GPHN: variants seen among roughly 807,000 people sequenced by gnomAD.
The protein encoded by GPHN is gephyrin.
GPHN carries 17 observed loss-of-function variants against 95.5 expected under a neutral mutation model. That is an observed-to-expected ratio of 0.18 (90% CI 0.12 to 0.27). The LOEUF is 0.27. GPHN is among the 10% of genes least tolerant of loss of function. The pLI, the probability that GPHN is intolerant of heterozygous loss-of-function variation, is 1.00. For missense variants in GPHN, 660 were observed against 978.1 expected, an observed-to-expected ratio of 0.67 and a Z score of 4.34; for synonymous variants, 320 against 322.5, an observed-to-expected ratio of 0.99 and a Z score of 0.08.
the GPHN span, among the ~76,000 whole-genome samples, chr14:67,289,934 C>CT: frequency 1.3e-5 from 2 of 151,934 alleles, no homozygotes; most frequent in Admixed American, 6.6e-5. Context: ...CCACGCCCGG[C>CT]TAATTTTTTA....
chr14:66,722,068 T>C (rs1324391917), intron 2 of GPHN, among the ~76,000 whole-genome samples: 2 of 151,686 alleles, frequency 1.3e-5, no homozygotes, highest in African/African-American at 4.8e-5. Flanking sequence ...ACAATACTTA[T>C]ATATAAGTAT....
the GPHN span, among the ~76,000 whole-genome samples, chr14:67,251,387 G>C: frequency 1.3e-5 from 2 of 152,236 alleles, no homozygotes; most frequent in African/African-American, 4.8e-5. Flanking sequence ...ACGAAAATTA[G>C]CTGGACTTGG....
rs558359480 is a variant in GPHN at position 66,915,300 on chromosome 14, C to A, written c.390-703C>A. Among the ~76,000 whole-genome samples, 365 of 152,232 alleles carry A rather than the reference C, an allele frequency of 2.4e-3. 4 individuals are homozygous for A. Among genetic ancestry groups the A allele is most frequent in the African/African-American group, 8.3e-3 (344 of 41,552 alleles). On this transcript the variant is annotated intron_variant, in intron 5 of 22. Transcript: ENST00000478722. ...TGAAAATGAGATAATGTTACCAGAT[C>A]AGAGTAACACAACCAGTCAATGACA...
intron 17 of GPHN, among the ~76,000 whole-genome samples, chr14:67,133,523 A>G (rs1459377605): frequency 6.6e-6 from 1 of 152,196 alleles, no homozygotes; most frequent in African/African-American, 2.4e-5. Flanking sequence ...TTTATGCCAG[A>G]ATCAGGATTA....
chr14:67,318,482 A>G, the GPHN span, among the ~76,000 whole-genome samples: 1 of 152,220 alleles, frequency 6.6e-6, no homozygotes, highest in African/African-American at 2.4e-5. Context: ...GAGCTACTGT[A>G]CTGTAGAAAA....
the GPHN span, among the ~76,000 whole-genome samples, chr14:67,503,216 G>T: frequency 6.6e-6 from 1 of 152,224 alleles, no homozygotes; most frequent in Non-Finnish European, 1.5e-5. Flanking sequence ...CCTAACAGAA[G>T]TGGTTTTGGT....
At chr14:67,619,917 C>T in the GPHN span, 43 of 1,161,998 alleles carry the variant, frequency 3.7e-5, no homozygotes, top group African/African-American at 6.8e-4. Flanking sequence ...GGCGGTGGCG[C>T]TCACTCCCGG....
intron 1 of GPHN, among the ~76,000 whole-genome samples, chr14:66,575,368 T>TAAA (rs2060861791): frequency 6.6e-6 from 1 of 152,238 alleles, no homozygotes. Flanking sequence ...AAAACATTTA[T>TAAA]TTTTGTCTTT....
chr14:67,045,212 G>A (rs1026314117), intron 10 of GPHN, among the ~76,000 whole-genome samples: 7 of 152,160 alleles, frequency 4.6e-5, no homozygotes, highest in East Asian at 1.9e-4. Flanking sequence ...AGCCCTGTCC[G>A]TTCTGTCTCA....
intron 1 of GPHN, among the ~76,000 whole-genome samples, chr14:66,582,122 C>T (rs997583350): frequency 6.6e-6 from 1 of 151,910 alleles, no homozygotes; most frequent in Non-Finnish European, 1.5e-5. Context: ...CAGGATAGAT[C>T]GTAAGTCAGA....
intron 8 of GPHN, among the ~76,000 whole-genome samples, chr14:66,931,198 A>G (rs1275276723): frequency 1.3e-5 from 2 of 152,174 alleles, no homozygotes; most frequent in Admixed American, 6.5e-5. Context: ...TAAGGTTTCC[A>G]CTGAGAAATC....
the GPHN span, among the ~76,000 whole-genome samples, chr14:67,502,538 C>T: frequency 3.6e-4 from 55 of 150,686 alleles, no homozygotes; most frequent in African/African-American, 1.1e-3. Flanking sequence ...CTGCAACCTC[C>T]GCCTCCGAGA....
the GPHN span, among the ~76,000 whole-genome samples, chr14:67,549,357 G>A: frequency 3.3e-5 from 5 of 151,050 alleles, no homozygotes; most frequent in African/African-American, 4.9e-5. Flanking sequence ...TGCAACCTCC[G>A]CCTCCCAGGT....
intron 1 of GPHN, among the ~76,000 whole-genome samples, chr14:66,605,142 A>T (rs1158996315): frequency 1.3e-5 from 2 of 152,130 alleles, no homozygotes; most frequent in Non-Finnish European, 2.9e-5. Flanking sequence ...TGCGATCGTG[A>T]ATAGTGATGC....
chr14:67,700,210 G>A, the GPHN span, among the ~76,000 whole-genome samples: 1 of 151,942 alleles, frequency 6.6e-6, no homozygotes, highest in African/African-American at 2.4e-5. Flanking sequence ...TATTTTTGAG[G>A]AAAGTAAACA....
intron 8 of GPHN, among the ~76,000 whole-genome samples, chr14:66,934,607 A>C (rs920740309): frequency 4.6e-5 from 7 of 152,234 alleles, no homozygotes; most frequent in African/African-American, 1.4e-4. Context: ...ACTGGGGGAC[A>C]CAGATTCTCT....
the GPHN span, among the ~76,000 whole-genome samples, chr14:67,621,895 G>A: frequency 2.6e-5 from 4 of 151,542 alleles, no homozygotes; most frequent in Admixed American, 1.3e-4. Context: ...TCAGGAGTTC[G>A]AGACCAGCCT....
At chr14:67,719,638 T>C in the GPHN span, among the ~76,000 whole-genome samples, 1 of 151,890 alleles carries the variant, frequency 6.6e-6, no homozygotes, top group Non-Finnish European at 1.5e-5. Context: ...CCAGGCCAGC[T>C]AATTTTTAGT....
the GPHN span, chr14:67,653,329 C>G: frequency 1.2e-6 from 1 of 851,482 alleles, no homozygotes; most frequent in Non-Finnish European, 1.9e-6. Flanking sequence ...AGGGACTATG[C>G]GTCAACTGCT....
Sources: allele counts gnomAD v4.1 joint callset (sites outside exome capture counted in the v4.1 genomes callset), GRCh38; gene constraint gnomAD v4.1.1; transcripts MANE v1.5; gene names NCBI Gene and HGNC (gene_info 2026-07-23, HGNC 2026-07-21).